RIC3: variants seen among roughly 807,000 people sequenced by gnomAD.
The protein encoded by RIC3 is protein RIC-3.
In RIC3, 28 loss-of-function variants were observed where a neutral mutation model predicts 27.3. That is an observed-to-expected ratio of 1.02 (90% CI 0.76 to 1.41). The LOEUF (loss-of-function observed/expected upper bound fraction) is 1.41, where lower values mean the gene tolerates loss of function less well. Among genes scored for constraint, RIC3 ranks in the 40% most tolerant of loss-of-function variants. RIC3 has a pLI of 0.00. For missense variants in RIC3, 501 were observed against 444.7 expected (o/e 1.13, Z -1.14); for synonymous variants, 184 against 160.4 (o/e 1.15, Z -1.11).
chr11:8,099,245 C>T, the RIC3 span, among the ~76,000 whole-genome samples: 1 of 152,166 alleles, frequency 6.6e-6, no homozygotes, highest in African/African-American at 2.4e-5. Context: ...TGTCATCTCA[C>T]TGAACGTTCA....
At chr11:8,149,123 G>A (rs1949995924) in intron 1 of RIC3, among the ~76,000 whole-genome samples, 2 of 151,838 alleles carry the variant, frequency 1.3e-5, no homozygotes, top group Non-Finnish European at 2.9e-5. Flanking sequence ...AATCCGGGAG[G>A]CGGAGCTTGC....
the RIC3 span, chr11:8,097,497 TG>T: frequency 1.3e-6 from 2 of 1,597,090 alleles, no homozygotes; most frequent in Non-Finnish European, 1.7e-6. Context: ...GAAATGTGAC[TG>T]GAAGTCTCAT....
intron 1 of RIC3, among the ~76,000 whole-genome samples, chr11:8,148,529 C>G (rs1949937933): frequency 6.6e-6 from 1 of 152,108 alleles, no homozygotes; most frequent in African/African-American, 2.4e-5. Context: ...ATCTTCAAAT[C>G]TGGCATAAAA....
At chr11:8,157,740 T>G (rs955496326) in intron 1 of RIC3, among the ~76,000 whole-genome samples, 1 of 152,194 alleles carries the variant, frequency 6.6e-6, no homozygotes, top group Non-Finnish European at 1.5e-5. Flanking sequence ...CTAAAAATAG[T>G]TTTTTACTTC....
chr11:8,166,949 GGA>G (rs1007579195), intron 1 of RIC3, among the ~76,000 whole-genome samples: 140 of 152,026 alleles, frequency 9.2e-4, no homozygotes, highest in East Asian at 3.1e-3. Context: ...GAGGGAGGAA[GGA>G]GAGAGAAAGA....
At chr11:8,125,069 T>A (rs1012764136) in intron 5 of RIC3, among the ~76,000 whole-genome samples, 2 of 151,918 alleles carry the variant, frequency 1.3e-5, no homozygotes, top group East Asian at 3.9e-4. Flanking sequence ...CTGGCTAACA[T>A]GGTGAAACCC....
At chr11:8,147,379 T>C (rs1590299570) in intron 1 of RIC3, among the ~76,000 whole-genome samples, 1 of 152,186 alleles carries the variant, frequency 6.6e-6, no homozygotes, top group East Asian at 1.9e-4. Flanking sequence ...CTGTCTCAAA[T>C]TTTGGGTGTT....
intron 1 of RIC3, among the ~76,000 whole-genome samples, chr11:8,158,325 C>T (rs1950860839): frequency 6.6e-6 from 1 of 152,084 alleles, no homozygotes. Flanking sequence ...CTAAGGAACC[C>T]TATTTATAAG....
rs1305517384 is a variant in RIC3 at position 8,108,763 on chromosome 11, C to T, written c.*1935G>A. The stretch of plus-strand genomic sequence containing the variant: ...GTAGAGATTGAGCCTCTGTTCCTAG[C>T]ACCTGGCACTGAGCAATTGACTGCT... On this transcript the variant is annotated 3_prime_UTR_variant, in exon 6 of 6. Transcript: ENST00000309737. 2 of 152,184 alleles carry T rather than the reference C, an allele frequency of 1.3e-5. No individual in the cohort carries two copies. The highest frequency in any genetic ancestry group is 2.4e-5 in the African/African-American group (1 of 41,446). The allele number at this position is 152,184 out of a possible 1,614,324, so 9.4% of individuals were successfully genotyped here.
intron 3 of RIC3, 119 bp from the exon 4 acceptor site, chr11:8,137,590 G>C (rs2133867329): frequency 3.3e-6 from 2 of 601,138 alleles, no homozygotes; most frequent in East Asian, 2.8e-5. Context: ...TCTCATTGAA[G>C]AACACCGCAG....
At chr11:8,153,402 G>C (rs534553112) in intron 1 of RIC3, 97 of 452,428 alleles carry the variant, frequency 2.1e-4, no homozygotes, top group Admixed American at 6.5e-4. Context: ...ATGGCTTTTT[G>C]TCAGTTCTCA....
At chr11:8,153,307 A>C in intron 1 of RIC3, 1 of 376,328 alleles carries the variant, frequency 2.7e-6, no homozygotes, top group Non-Finnish European at 5.1e-6. Context: ...GACAAATAGA[A>C]CAGAATCTCT....
chr11:8,167,103 T>A (rs1951760198), intron 1 of RIC3, among the ~76,000 whole-genome samples: 2 of 152,230 alleles, frequency 1.3e-5, no homozygotes, highest in Non-Finnish European at 2.9e-5. Context: ...CAGTAGCTTC[T>A]CCTTGTCAAA....
chr11:8,117,417 T>C (rs2133422271), intron 5 of RIC3, among the ~76,000 whole-genome samples: 1 of 152,298 alleles, frequency 6.6e-6, no homozygotes, highest in East Asian at 1.9e-4. Context: ...TAGATGAACT[T>C]GGAGGACATT....
intron 1 of RIC3, among the ~76,000 whole-genome samples, chr11:8,142,080 AT>A (rs1172721910): frequency 6.7e-6 from 1 of 149,692 alleles, no homozygotes; most frequent in Admixed American, 6.6e-5. Context: ...AGCAGGAAAG[AT>A]CCAAAATTGA....
intron 5 of RIC3, among the ~76,000 whole-genome samples, chr11:8,124,640 T>C (rs1187600075): frequency 2.0e-5 from 3 of 152,020 alleles, no homozygotes; most frequent in Non-Finnish European, 4.4e-5. Flanking sequence ...TATAAAGACA[T>C]AGTAATAAGG....
Position 8,138,353 on chromosome 11 carries a change from A to C in RIC3, c.352-6T>G. On this transcript the variant is annotated splice_region_variant and splice_polypyrimidine_tract_variant and intron_variant, in intron 2 of 5. Transcript: ENST00000309737. Reference sequence around the variant, plus strand: ...GTTGTTTTCCCCTTTGAGAGCTGAGAATTGAAGGAGGTATAGCACATCAAC... The same window carrying C: ...GTTGTTTTCCCCTTTGAGAGCTGAGCATTGAAGGAGGTATAGCACATCAAC... 1 of 1,599,696 alleles carries C rather than the reference A, an allele frequency of 6.3e-7. No homozygotes were observed. The highest frequency in any genetic ancestry group is 8.6e-7 in the Non-Finnish European group (1 of 1,167,064).
At chr11:8,142,273 C>T (rs987583109) in intron 1 of RIC3, among the ~76,000 whole-genome samples, 1 of 133,948 alleles carries the variant, frequency 7.5e-6, no homozygotes, top group African/African-American at 3.3e-5. Flanking sequence ...AATTGATAGA[C>T]CGCTAGCAAC....
At chr11:8,149,754 G>C (rs1950054835) in intron 1 of RIC3, among the ~76,000 whole-genome samples, 1 of 152,092 alleles carries the variant, frequency 6.6e-6, no homozygotes. Context: ...CGGGATGGGG[G>C]GTTCAAACCC....
Sources: gnomAD v4.1 joint callset for allele counts (sites outside exome capture counted in the v4.1 genomes callset) on GRCh38, gnomAD v4.1.1 for gene constraint, MANE v1.5 for transcripts, NCBI Gene and HGNC (gene_info 2026-07-23, HGNC 2026-07-21) for gene names.